Variants in TSPAN5 observed in about 807,000 individuals in gnomAD.
The protein encoded by TSPAN5 is tetraspanin-5.
In TSPAN5, 10 loss-of-function variants were observed where a neutral mutation model predicts 37.1. The ratio of observed to expected loss-of-function variants is 0.27; its 90% CI spans 0.17 to 0.46. The LOEUF is 0.46. Among genes scored for constraint, TSPAN5 ranks in the 20% least tolerant of loss-of-function variants. The pLI, the probability that TSPAN5 is intolerant of heterozygous loss-of-function variation, is 1.00. For missense variants in TSPAN5, 195 were observed against 326.6 expected (o/e 0.60, Z 3.11); for synonymous variants, 110 against 118.9 (o/e 0.93, Z 0.48).
intron 1 of TSPAN5, among the ~76,000 whole-genome samples, chr4:98,633,671 A>G (rs1212565582): frequency 3.9e-5 from 6 of 152,208 alleles, no homozygotes; most frequent in Admixed American, 3.9e-4. Context: ...TGGCTGCACT[A>G]CCCTGAACCA....
intron 1 of TSPAN5, among the ~76,000 whole-genome samples, chr4:98,580,447 T>C (rs904467090): frequency 2.0e-5 from 3 of 152,168 alleles, no homozygotes; most frequent in Non-Finnish European, 4.4e-5. Context: ...TGGCTCAGAC[T>C]TCCAGGGCAG....
Position 98,470,837 on chromosome 4 carries a change from A to G in TSPAN5, c.*1685T>C, listed in dbSNP as rs1752564803. The G allele has an allele frequency of 1.3e-5, 2 of 152,218 alleles. No homozygotes were observed. The highest frequency in any genetic ancestry group is 4.1e-4 in the South Asian group (2 of 4,828). 9.4% of individuals were successfully genotyped at this position (152,218 alleles called of 1,614,324 possible). On this transcript the variant is annotated 3_prime_UTR_variant, in exon 8 of 8. Coordinates refer to ENST00000305798, the MANE Select transcript of TSPAN5 (RefSeq NM_005723.4). ...CATTCATCGGCCACCACCATGCACC[A>G]TGGGGCTGAAATGGAAAACCTCGCT... is the stretch of plus-strand genomic sequence containing the variant.
chr4:98,575,899 T>C (rs1755224895), intron 1 of TSPAN5, among the ~76,000 whole-genome samples: 1 of 151,664 alleles, frequency 6.6e-6, no homozygotes. Context: ...TGAAACCCCA[T>C]CTCTACTAAA....
At chr4:98,566,325 T>C (rs763658859) in intron 1 of TSPAN5, among the ~76,000 whole-genome samples, 44 of 131,226 alleles carry the variant, frequency 3.4e-4, no homozygotes, top group Non-Finnish European at 3.3e-4. Flanking sequence ...ATCTCTAGCT[T>C]GGCTTGTAAA....
At chr4:98,568,799 C>A (rs1755061097) in intron 1 of TSPAN5, among the ~76,000 whole-genome samples, 1 of 152,042 alleles carries the variant, frequency 6.6e-6, no homozygotes, top group Non-Finnish European at 1.5e-5. Flanking sequence ...AGCTCCAAGC[C>A]CTAAAGAATT....
chr4:98,558,846 GACA>G (rs1754813440), intron 1 of TSPAN5, among the ~76,000 whole-genome samples: 1 of 152,172 alleles, frequency 6.6e-6, no homozygotes, highest in African/African-American at 2.4e-5. Flanking sequence ...ATGGTCTTTA[GACA>G]ACAAATTGAA....
intron 1 of TSPAN5, among the ~76,000 whole-genome samples, chr4:98,518,726 C>T (rs1306718447): frequency 6.6e-6 from 1 of 152,196 alleles, no homozygotes; most frequent in Non-Finnish European, 1.5e-5. Flanking sequence ...AGTGGTAGCA[C>T]CAGGGAACTT....
chr4:98,518,512 G>A (rs935389341), intron 1 of TSPAN5, among the ~76,000 whole-genome samples: 1 of 152,128 alleles, frequency 6.6e-6, no homozygotes, highest in African/African-American at 2.4e-5. Flanking sequence ...ATCACTGCAG[G>A]GGTCAGAGGA....
chr4:98,641,099 T>C (rs962298959), intron 1 of TSPAN5, among the ~76,000 whole-genome samples: 1 of 152,122 alleles, frequency 6.6e-6, no homozygotes, highest in Non-Finnish European at 1.5e-5. Flanking sequence ...CTGCCTAGCA[T>C]TGGGAAGAGG....
chr4:98,489,132 G>T (rs1212872634), intron 2 of TSPAN5, among the ~76,000 whole-genome samples: 4 of 152,154 alleles, frequency 2.6e-5, no homozygotes, highest in African/African-American at 9.7e-5. Flanking sequence ...CCAGAAAGAA[G>T]AGGTAGCAGT....
intron 1 of TSPAN5, among the ~76,000 whole-genome samples, chr4:98,655,493 T>C (rs764794418): frequency 6.6e-6 from 1 of 152,178 alleles, no homozygotes; most frequent in Non-Finnish European, 1.5e-5. Context: ...AGAACCAAGC[T>C]CTCAGTGCTG....
chr4:98,590,973 A>G (rs1404511714), intron 1 of TSPAN5, among the ~76,000 whole-genome samples: 1 of 152,170 alleles, frequency 6.6e-6, no homozygotes. Flanking sequence ...ACTGGTGTGT[A>G]CATCAAGTAG....
rs369553421 is a variant in TSPAN5, at chr4:98,581,349, A to G, written c.82-73621T>C. 3.9e-5 allele frequency among the ~76,000 whole-genome samples: 6 copies of G among 152,142 alleles called. No individual in the cohort carries two copies. In the South Asian group the frequency reaches 1.2e-3, roughly 32 times the overall value. ...CCTCAGAACTCCCTCACTTCTATTA[A>G]TAATATGTTTTACCAACCCAGCTGT... On this transcript the variant is annotated intron_variant, in intron 1 of 7. Coordinates refer to ENST00000305798, the MANE Select transcript of TSPAN5 (RefSeq NM_005723.4).
At chr4:98,550,519 G>A (rs1334988693) in intron 1 of TSPAN5, among the ~76,000 whole-genome samples, 4 of 151,434 alleles carry the variant, frequency 2.6e-5, no homozygotes, top group Non-Finnish European at 4.4e-5. Context: ...ATGAGCATGG[G>A]ATATTTTTCC....
At chr4:98,498,721 C>T (rs971643606) in intron 2 of TSPAN5, among the ~76,000 whole-genome samples, 9 of 152,138 alleles carry the variant, frequency 5.9e-5, no homozygotes, top group Non-Finnish European at 7.4e-5. Context: ...GGGCACCTCC[C>T]GGGAGCTCTG....
intron 6 of TSPAN5, 36 bp from the exon 7 acceptor site, chr4:98,476,341 T>C (rs903051483): frequency 2.5e-6 from 4 of 1,613,056 alleles, no homozygotes; most frequent in Non-Finnish European, 3.4e-6. Context: ...TTGTCACAGA[T>C]AGAGCACCAG....
chr4:98,472,620 G>C (rs1752614663), intron 7 of TSPAN5, 33 bp from the exon 8 acceptor site: 1 of 1,579,766 alleles, frequency 6.3e-7, no homozygotes, highest in Admixed American at 1.7e-5. Context: ...GTGAAACAGT[G>C]ACACTTGTAA....
In TSPAN5 at chr4:98,489,636, A is replaced by G. The variant is rs560355407; in HGVS notation, c.133-2752T>C. On this transcript the variant is annotated intron_variant, in intron 2 of 7. Coordinates refer to ENST00000305798, the MANE Select transcript of TSPAN5 (RefSeq NM_005723.4). ...CCACCACTGACTTCCACCCCTCCGG[A>G]TCCGGCAGGGTATCCGCTGTGCTCC... Among the ~76,000 whole-genome samples the G allele has an allele frequency of 4.6e-3, 695 of 152,232 alleles. 7 individuals carry two copies. Among genetic ancestry groups the G allele is most frequent in the African/African-American group, 0.016 (667 of 41,526 alleles).
intron 5 of TSPAN5, among the ~76,000 whole-genome samples, 194 bp downstream of exon 5, chr4:98,478,491 C>T (rs955480750): frequency 2.0e-5 from 3 of 152,206 alleles, no homozygotes. Flanking sequence ...TAGGAACCAG[C>T]ACACACTGCT....
Sources: allele counts gnomAD v4.1 joint callset (sites outside exome capture counted in the v4.1 genomes callset), GRCh38; gene constraint gnomAD v4.1.1; transcripts MANE v1.5; gene names NCBI Gene and HGNC (gene_info 2026-07-23, HGNC 2026-07-21).